Variants in LMBR1 observed in about 807,000 individuals in gnomAD.
The protein encoded by LMBR1 is limb region 1 protein homolog.
A neutral mutation model predicts 73.9 loss-of-function variants in LMBR1; 52 were observed. The observed-to-expected ratio is 0.70, with a 90% CI of 0.56 to 0.89. The LOEUF (loss-of-function observed/expected upper bound fraction) is 0.89. Ranked by LOEUF, LMBR1 falls within the 40% of genes least tolerant of loss-of-function variation. The pLI is 0.00. For missense variants in LMBR1, 539 were observed against 579.8 expected, an observed-to-expected ratio of 0.93 and a Z score of 0.72; for synonymous variants, 215 against 209.4, an observed-to-expected ratio of 1.03 and a Z score of -0.23.
chr7:156,852,285 G>A (rs938516553), intron 1 of LMBR1, among the ~76,000 whole-genome samples: 1 of 151,990 alleles, frequency 6.6e-6, no homozygotes. Context: ...TGTCTGTATT[G>A]GGAAGTCAAT....
chr7:156,787,374 A>T (rs1828308516), intron 5 of LMBR1, among the ~76,000 whole-genome samples: 2 of 152,172 alleles, frequency 1.3e-5, no homozygotes, highest in African/African-American at 4.8e-5. Flanking sequence ...TTATCTATGT[A>T]CTTAATAATA....
At chr7:156,885,556 A>G (rs1289133749) in intron 1 of LMBR1, among the ~76,000 whole-genome samples, 2 of 151,710 alleles carry the variant, frequency 1.3e-5, no homozygotes, top group Non-Finnish European at 2.9e-5. Context: ...GTTCAAGACC[A>G]GTCTGGGTAA....
rs937018098 is a variant in LMBR1, at chr7:156,679,396, C to T, written c.*4682G>A. 2 of 152,186 alleles carry T rather than the reference C, an allele frequency of 1.3e-5. No homozygotes were observed. Among genetic ancestry groups the T allele is most frequent in the African/African-American group, 2.4e-5 (1 of 41,438 alleles). 9.4% of individuals were successfully genotyped at this position (152,186 alleles called of 1,614,324 possible). On this transcript the variant is annotated 3_prime_UTR_variant, in exon 17 of 17. Transcript: ENST00000353442. ...GAGGAGGAAGTGAGCAGGAGGAGGA[C>T]GATGCTCCACTTGTCACTTAGTTCT...
chr7:156,810,880 C>A (rs534542899), intron 4 of LMBR1, among the ~76,000 whole-genome samples: 2 of 151,474 alleles, frequency 1.3e-5, no homozygotes, highest in Non-Finnish European at 2.9e-5. Context: ...GCAATCTTGG[C>A]TCACTACAAC....
In LMBR1 at chr7:156,712,638, T is replaced by C. The variant is rs185526433; in HGVS notation, c.1225+11474A>G. Among the ~76,000 whole-genome samples the C allele has an allele frequency of 4.6e-5, 7 of 152,168 alleles. No homozygotes were observed. The East Asian group carries it at 1.3e-3, about 29-fold the overall frequency. ...AAGCGCCAATCAATGGACAACTGGA[T>C]AAAGAAAATGTGGTATAAAAACACA... On this transcript the variant is annotated intron_variant, in intron 15 of 16. Coordinates refer to ENST00000353442, the MANE Select transcript of LMBR1 (RefSeq NM_022458.4).
chr7:156,710,124 C>T (rs936214783), intron 15 of LMBR1, among the ~76,000 whole-genome samples: 1 of 151,250 alleles, frequency 6.6e-6, no homozygotes, highest in African/African-American at 2.4e-5. Flanking sequence ...CCAGGATGCT[C>T]TCGATCTCCC....
At chr7:156,708,734 C>T (rs892408965) in intron 15 of LMBR1, among the ~76,000 whole-genome samples, 6 of 152,176 alleles carry the variant, frequency 3.9e-5, no homozygotes, top group South Asian at 2.1e-4. Flanking sequence ...GAAGCCACCA[C>T]GGACAGTGTG....
chr7:156,834,511 G>C (rs1303479557), intron 2 of LMBR1: 1 of 305,778 alleles, frequency 3.3e-6, no homozygotes, highest in African/African-American at 2.3e-5. Flanking sequence ...GCTGAGGTTG[G>C]AGAATCACTT....
intron 4 of LMBR1, among the ~76,000 whole-genome samples, chr7:156,813,705 A>T (rs1833469356): frequency 6.6e-6 from 1 of 152,214 alleles, no homozygotes; most frequent in African/African-American, 2.4e-5. Context: ...GTTCTTTGAT[A>T]CACTCAGAAA....
chr7:156,873,582 C>T (rs1382310493), intron 1 of LMBR1, among the ~76,000 whole-genome samples: 2 of 152,152 alleles, frequency 1.3e-5, no homozygotes, highest in African/African-American at 4.8e-5. Context: ...CTGATTGGTG[C>T]GTTTACAATC....
intron 2 of LMBR1, among the ~76,000 whole-genome samples, chr7:156,835,919 C>T (rs1324230432): frequency 6.6e-6 from 1 of 152,210 alleles, no homozygotes; most frequent in Non-Finnish European, 1.5e-5. Context: ...TTCTTTCTCT[C>T]TCCCTCCTTC....
chr7:156,849,444 T>C (rs376793280), intron 1 of LMBR1, among the ~76,000 whole-genome samples: 1 of 152,236 alleles, frequency 6.6e-6, no homozygotes, highest in Admixed American at 6.5e-5. Flanking sequence ...ACCAAACCCC[T>C]GTGAAACATA....
intron 4 of LMBR1, among the ~76,000 whole-genome samples, chr7:156,816,423 G>A (rs1246451205): frequency 6.6e-6 from 1 of 152,022 alleles, no homozygotes; most frequent in Admixed American, 6.6e-5. Context: ...ATCTTTATCA[G>A]TAGATCAAAC....
chr7:156,708,406 C>T (rs916025325), intron 15 of LMBR1, among the ~76,000 whole-genome samples: 6 of 152,222 alleles, frequency 3.9e-5, no homozygotes, highest in African/African-American at 1.4e-4. Context: ...AGGATTTAAC[C>T]TTACTTAGAG....
chr7:156,806,598 C>CTTTTTTTTTTTTTTTTTTTTT (rs71189962), intron 4 of LMBR1, among the ~76,000 whole-genome samples: 1 of 44,672 alleles, frequency 2.2e-5, no homozygotes, highest in South Asian at 8.6e-4. Context: ...TTTGTAGATG[C>CTTTTTTTTTTTTTTTTTTTTT]TTTTTTTTTT....
intron 1 of LMBR1, 60 bp downstream of exon 1, chr7:156,892,868 G>T (rs1461302362): frequency 3.8e-5 from 49 of 1,302,874 alleles, no homozygotes; most frequent in Non-Finnish European, 4.7e-5. Flanking sequence ...GCCCGGGGGC[G>T]GGGACGGAGG....
rs796519661 is a variant in LMBR1, at chr7:156,769,427, TC to T, written c.424-5633del. 8.4e-4 allele frequency among the ~76,000 whole-genome samples: 128 copies of T among 152,204 alleles called. 1 individual carries two copies. The highest frequency in any genetic ancestry group is 3.1e-3 in the African/African-American group (127 of 41,522). ...GAGTAATGTAATTACCAGGGGCCCTTCCTCCTCCGCCTCCCTCTCACCACTG... is the reference window on the plus strand; with the variant it reads ...GAGTAATGTAATTACCAGGGGCCCTTCTCCTCCGCCTCCCTCTCACCACTG... On this transcript the variant is annotated intron_variant, in intron 5 of 16. Transcript: ENST00000353442.
chr7:156,847,932 T>C (rs1795722569), intron 1 of LMBR1, among the ~76,000 whole-genome samples: 1 of 152,094 alleles, frequency 6.6e-6, no homozygotes, highest in Non-Finnish European at 1.5e-5. Context: ...CCCAAAAAAG[T>C]TGAAAACTAT....
intron 1 of LMBR1, among the ~76,000 whole-genome samples, chr7:156,861,282 T>C (rs1797680720): frequency 6.6e-6 from 1 of 152,216 alleles, no homozygotes; most frequent in Non-Finnish European, 1.5e-5. Context: ...GGCTTGGGGC[T>C]TGAACCTTCT....
Sources: gnomAD v4.1 joint callset for allele counts (sites outside exome capture counted in the v4.1 genomes callset) on GRCh38, gnomAD v4.1.1 for gene constraint, MANE v1.5 for transcripts, NCBI Gene and HGNC (gene_info 2026-07-23, HGNC 2026-07-21) for gene names.